Variants in CCDC7 observed in about 807,000 individuals in gnomAD.
The protein encoded by CCDC7 is coiled-coil domain containing 7.
Under a neutral mutation model 196.9 loss-of-function variants are expected in CCDC7, and 183 were observed. That is an observed-to-expected ratio of 0.93 (90% CI 0.82 to 1.05). The LOEUF is 1.05. Among genes scored for constraint, CCDC7 ranks in the 50% least tolerant of loss-of-function variants. The probability of loss-of-function intolerance (pLI) is 0.00; values close to 1 mark genes in which losing one functional copy is unlikely to be tolerated. For synonymous variants in CCDC7, 525 were observed against 484.6 expected, an observed-to-expected ratio of 1.08 and a Z score of -1.10; for missense variants, 1,540 against 1,482.2, an observed-to-expected ratio of 1.04 and a Z score of -0.64.
chr10:32,847,559 AC>A (rs2093354492), intron 37 of CCDC7, among the ~76,000 whole-genome samples: 1 of 152,102 alleles, frequency 6.6e-6, no homozygotes, highest in Non-Finnish European at 1.5e-5. Flanking sequence ...TACAAAAAAT[AC>A]AAAAATTAGC....
At chr10:32,845,221 G>C (rs2093213200) in intron 33 of CCDC7, 22 bp from the exon 35 acceptor site, 6 of 1,391,144 alleles carry the variant, frequency 4.3e-6, no homozygotes, top group South Asian at 1.3e-5. Context: ...AAAATATATT[G>C]ATATCTGTTT....
intron 20 of CCDC7, among the ~76,000 whole-genome samples, chr10:32,657,101 C>A (rs2070092896): frequency 6.6e-6 from 1 of 152,250 alleles, no homozygotes; most frequent in South Asian, 2.1e-4. Context: ...GGCAGCTCCA[C>A]CCTTGTGGCT....
intron 24 of CCDC7, among the ~76,000 whole-genome samples, chr10:32,710,273 G>A (rs765796104): frequency 2.0e-5 from 3 of 152,154 alleles, no homozygotes; most frequent in African/African-American, 4.8e-5. Context: ...CTCTCCATTC[G>A]TTTTATTTAA....
At chr10:32,685,210 A>ATT (rs35021847) in intron 21 of CCDC7, among the ~76,000 whole-genome samples, 4,887 of 144,458 alleles carry the variant, frequency 0.034, 251 homozygotes, top group African/African-American at 0.1. Context: ...TCTTTTTTGG[A>ATT]TTTTTTTTTT....
intron 5 of CCDC7, among the ~76,000 whole-genome samples, chr10:32,466,715 A>G (rs895713073): frequency 1.3e-5 from 2 of 152,212 alleles, no homozygotes; most frequent in Non-Finnish European, 2.9e-5. Flanking sequence ...GCTATTGTGA[A>G]TAGTGTTGCA....
At chr10:32,473,887 T>A (rs911273803) in intron 7 of CCDC7, 80 bp from the exon 9 acceptor site, 2 of 1,310,998 alleles carry the variant, frequency 1.5e-6, no homozygotes, top group Non-Finnish European at 2.0e-6. Flanking sequence ...TTACTAAAAT[T>A]AAAACAATAA....
intron 29 of CCDC7, among the ~76,000 whole-genome samples, chr10:32,797,210 TATACAC>T (rs1286744721): frequency 1.4e-5 from 2 of 144,350 alleles, no homozygotes; most frequent in African/African-American, 2.7e-5. Flanking sequence ...TATACACACA[TATACAC>T]ACACACATAT....
intron 32 of CCDC7, among the ~76,000 whole-genome samples, chr10:32,827,657 T>TGGGGGGGGGGGGGGGG (rs1593195123): frequency 1.7e-5 from 1 of 58,824 alleles, no homozygotes; most frequent in African/African-American, 6.7e-5. Context: ...GGTGGGGGGC[T>TGGGGGGGGGGGGGGGG]GGGGGAGGTA....
intron 15 of CCDC7, among the ~76,000 whole-genome samples, chr10:32,571,596 C>CAA (rs1046856551): frequency 1.3e-5 from 2 of 152,082 alleles, no homozygotes; most frequent in South Asian, 4.1e-4. Flanking sequence ...TTCTTTAACT[C>CAA]AAAAAATTTT....
chr10:32,848,377 A>C (rs558204732), intron 38 of CCDC7, among the ~76,000 whole-genome samples: 2 of 152,242 alleles, frequency 1.3e-5, no homozygotes, highest in East Asian at 3.9e-4. Flanking sequence ...ATAAAGGTTG[A>C]AATTAAGGAA....
intron 28 of CCDC7, among the ~76,000 whole-genome samples, chr10:32,739,522 G>A (rs546858153): frequency 5.5e-4 from 83 of 151,282 alleles, no homozygotes; most frequent in African/African-American, 1.6e-3. Context: ...TTCTTATTAC[G>A]TGTTGTCCAC....
At chr10:32,790,213 G>A (rs1434903767) in intron 29 of CCDC7, among the ~76,000 whole-genome samples, 1 of 152,166 alleles carries the variant, frequency 6.6e-6, no homozygotes, top group Non-Finnish European at 1.5e-5. Flanking sequence ...CTGACTCCAC[G>A]GCCCGCTCAG....
intron 11 of CCDC7, among the ~76,000 whole-genome samples, chr10:32,538,059 T>G (rs986804781): frequency 3.9e-5 from 6 of 152,196 alleles, no homozygotes; most frequent in Non-Finnish European, 8.8e-5. Context: ...AGGAATAGCA[T>G]TGAATCTTTA....
At chr10:32,550,945 A>T (rs541867806) in intron 13 of CCDC7, among the ~76,000 whole-genome samples, 1 of 152,012 alleles carries the variant, frequency 6.6e-6, no homozygotes, top group East Asian at 1.9e-4. Flanking sequence ...TTCTTTCTCT[A>T]TCTTAAGGAA....
chr10:32,542,975 C>T (rs2051750990), intron 11 of CCDC7, among the ~76,000 whole-genome samples: 1 of 152,112 alleles, frequency 6.6e-6, no homozygotes, highest in Non-Finnish European at 1.5e-5. Context: ...CCCCATACAT[C>T]CTACAGGTTT....
Position 32,719,760 on chromosome 10 carries a change from A to T in CCDC7, c.2570-6974A>T, listed in dbSNP as rs2082129475. The stretch of plus-strand genomic sequence containing the variant: ...GAAGACATTTATGCAGCCAACAAAC[A>T]TGAAAAAAAGCTCATCATCACTGGT... On this transcript the variant is annotated intron_variant, in intron 25 of 41. Coordinates refer to ENST00000639629, the Ensembl canonical transcript of CCDC7. 2.6e-5 allele frequency among the ~76,000 whole-genome samples: 4 copies of T among 152,212 alleles called. 1 individual carries two copies. Among genetic ancestry groups the T allele is most frequent in the Admixed American group, 2.6e-4 (4 of 15,282 alleles).
intron 25 of CCDC7, 30 bp downstream of exon 26, chr10:32,711,760 T>C (rs1249618319): frequency 3.1e-6 from 4 of 1,297,810 alleles, no homozygotes; most frequent in Non-Finnish European, 2.1e-6. Flanking sequence ...CTATTTTATA[T>C]TATTTTAAGT....
At chr10:32,580,233 G>C (rs2137391005) in intron 16 of CCDC7, among the ~76,000 whole-genome samples, 1 of 151,966 alleles carries the variant, frequency 6.6e-6, no homozygotes, top group African/African-American at 2.4e-5. Context: ...GGTGGAGCTA[G>C]ATGTAGCTAG....
chr10:32,712,718 A>G (rs1465233229), intron 25 of CCDC7, among the ~76,000 whole-genome samples: 2 of 152,206 alleles, frequency 1.3e-5, no homozygotes, highest in African/African-American at 4.8e-5. Context: ...TGCTGAAAGG[A>G]CATTTGCTAT....
Sources: allele counts gnomAD v4.1 joint callset (sites outside exome capture counted in the v4.1 genomes callset), GRCh38; gene constraint gnomAD v4.1.1; transcripts MANE v1.5; gene names NCBI Gene and HGNC (gene_info 2026-07-23, HGNC 2026-07-21).